Variants in RPH3A observed in about 807,000 individuals in gnomAD.
RPH3A encodes rabphilin-3A.
RPH3A carries 48 observed loss-of-function variants against 102.2 expected under a neutral mutation model. The observed-to-expected ratio is 0.47, with a 90% confidence interval of 0.37 to 0.60. The LOEUF (loss-of-function observed/expected upper bound fraction) is 0.60, where lower values mean the gene tolerates loss of function less well. Among genes scored for constraint, RPH3A ranks in the 20% least tolerant of loss-of-function variants. The pLI is 0.00. For synonymous variants in RPH3A, 310 were observed against 324.3 expected (o/e 0.96, Z 0.47); for missense variants, 781 against 910.1 (o/e 0.86, Z 1.83).
At chr12:112,751,434 A>G (rs1592979705) in intron 1 of RPH3A, among the ~76,000 whole-genome samples, 1 of 152,236 alleles carries the variant, frequency 6.6e-6, no homozygotes, top group African/African-American at 2.4e-5. Flanking sequence ...TTACCTGTCT[A>G]TAAAATGAAG....
In RPH3A at chr12:112,875,693, A is replaced by G; in HGVS notation, c.898A>G (p.Ser300Gly). ...QPGQPGTPGGSRPGPGPAGRF... is the reference protein window; with the variant it reads ...QPGQPGTPGGGRPGPGPAGRF... ...TCCCTGCTCAGGGACCCCAGGAGGA[A>G]GCAGACCGGGTCCTGGGCCAGCAGG... Residue 300 changes from serine to glycine, a missense_variant, in exon 12 of 22, where the codon AGC becomes GGC. Physicochemically the swap from Ser to Gly is moderately conservative, Grantham distance 56 (BLOSUM62 0). Transcript: ENST00000389385. The G allele has an allele frequency of 1.2e-6, 2 of 1,613,804 alleles. No individual in the cohort carries two copies. The highest frequency in any genetic ancestry group is 1.7e-6 in the Non-Finnish European group (2 of 1,179,868).
At chr12:112,681,076 G>A (rs2040223181) in intron 1 of RPH3A, among the ~76,000 whole-genome samples, 1 of 152,076 alleles carries the variant, frequency 6.6e-6, no homozygotes, top group African/African-American at 2.4e-5. Context: ...GCCTACTCTG[G>A]CCCACTGCGT....
chr12:112,856,915 C>T (rs1406636961), intron 5 of RPH3A, among the ~76,000 whole-genome samples: 2 of 152,100 alleles, frequency 1.3e-5, no homozygotes, highest in Admixed American at 6.5e-5. Flanking sequence ...AAGGAGATTT[C>T]CTGGGGTCAC....
intron 1 of RPH3A, among the ~76,000 whole-genome samples, chr12:112,771,080 TC>T (rs1194161289): frequency 6.6e-6 from 1 of 152,194 alleles, no homozygotes; most frequent in African/African-American, 2.4e-5. Context: ...GTTAAACCCT[TC>T]CCCCACATCT....
At chr12:112,795,490 C>T (rs751290910) in intron 2 of RPH3A, among the ~76,000 whole-genome samples, 1 of 152,192 alleles carries the variant, frequency 6.6e-6, no homozygotes, top group Non-Finnish European at 1.5e-5. Context: ...TAGCCCCCTT[C>T]TTTCTGTGCC....
intron 2 of RPH3A, among the ~76,000 whole-genome samples, chr12:112,795,365 A>G (rs1280216409): frequency 6.6e-6 from 1 of 152,210 alleles, no homozygotes; most frequent in Admixed American, 6.5e-5. Flanking sequence ...CTGGGATAAA[A>G]ATAATTCTGG....
intron 1 of RPH3A, among the ~76,000 whole-genome samples, chr12:112,714,777 A>G (rs988238060): frequency 1.3e-5 from 2 of 152,210 alleles, no homozygotes; most frequent in African/African-American, 4.8e-5. Context: ...CTCTGCAGGA[A>G]AAGTACTATG....
At chr12:112,683,267 A>G (rs2040239483) in intron 1 of RPH3A, among the ~76,000 whole-genome samples, 1 of 152,170 alleles carries the variant, frequency 6.6e-6, no homozygotes, top group Admixed American at 6.5e-5. Flanking sequence ...GAAGATTTTA[A>G]AAAGACCATG....
intron 1 of RPH3A, among the ~76,000 whole-genome samples, chr12:112,655,558 T>C (rs1481461688): frequency 6.8e-6 from 1 of 146,022 alleles, no homozygotes; most frequent in Non-Finnish European, 1.5e-5. Flanking sequence ...CGAATTTTTG[T>C]TGGTCTTTTT....
At chr12:112,824,827 G>C (rs891343382) in intron 2 of RPH3A, among the ~76,000 whole-genome samples, 14 of 152,140 alleles carry the variant, frequency 9.2e-5, no homozygotes, top group Admixed American at 4.6e-4. Context: ...TGGTGTGCGT[G>C]ACTGAACAAA....
intron 1 of RPH3A, among the ~76,000 whole-genome samples, chr12:112,624,014 G>A (rs2039752112): frequency 4.1e-5 from 6 of 147,478 alleles, no homozygotes; most frequent in African/African-American, 1.5e-4. Context: ...AAACCAACGA[G>A]AACAAAGACA....
chr12:112,848,307 A>T (rs7313560), intron 5 of RPH3A, among the ~76,000 whole-genome samples: 1 of 152,054 alleles, frequency 6.6e-6, no homozygotes. Flanking sequence ...GAGAGTAGGT[A>T]AAAAAGAGTG....
chr12:112,869,699 A>G (rs1369870641), intron 8 of RPH3A, 60 bp from the exon 9 acceptor site: 4 of 1,546,476 alleles, frequency 2.6e-6, no homozygotes, highest in Non-Finnish European at 3.6e-6. Context: ...CTTCTTAAGT[A>G]CCGGTTTTCC....
At chr12:112,706,311 A>C (rs755158005) in intron 1 of RPH3A, among the ~76,000 whole-genome samples, 6 of 151,998 alleles carry the variant, frequency 3.9e-5, no homozygotes, top group African/African-American at 7.3e-5. Context: ...CAGCTTCTCA[A>C]CTCTTCAGGT....
intron 2 of RPH3A, among the ~76,000 whole-genome samples, chr12:112,810,615 T>A (rs2041554334): frequency 1.3e-5 from 2 of 152,218 alleles, no homozygotes; most frequent in South Asian, 4.1e-4. Context: ...CAGGTCGAAA[T>A]GTACCGTTAG....
chr12:112,789,239 T>C (rs1257178072), upstream of RPH3A, among the ~76,000 whole-genome samples: 1 of 152,222 alleles, frequency 6.6e-6, no homozygotes, highest in Non-Finnish European at 1.5e-5. Flanking sequence ...GGTCCTGGCA[T>C]CTGAAAGGCT....
At chr12:112,609,841 G>A (rs1234365782) in intron 1 of RPH3A, among the ~76,000 whole-genome samples, 1 of 152,172 alleles carries the variant, frequency 6.6e-6, no homozygotes. Flanking sequence ...AGTCTGACAC[G>A]CAGTGGGCCA....
intron 1 of RPH3A, among the ~76,000 whole-genome samples, chr12:112,752,259 C>T (rs1297921011): frequency 6.6e-6 from 1 of 152,120 alleles, no homozygotes; most frequent in Non-Finnish European, 1.5e-5. Context: ...CACTATTTCC[C>T]ACAAATGGTA....
intron 2 of RPH3A, among the ~76,000 whole-genome samples, chr12:112,803,407 G>C (rs1466587226): frequency 2.0e-5 from 3 of 152,014 alleles, no homozygotes; most frequent in Non-Finnish European, 2.9e-5. Context: ...TGGAGTCACA[G>C]AGCACGCTGT....
Sources: gnomAD v4.1 joint callset for allele counts (sites outside exome capture counted in the v4.1 genomes callset) on GRCh38, gnomAD v4.1.1 for gene constraint, MANE v1.5 for transcripts, NCBI Gene and HGNC (gene_info 2026-07-23, HGNC 2026-07-21) for gene names.